The following USH2A variants were observed in gnomAD, a reference collection of about 807,000 sequenced individuals.
USH2A encodes usherin, also known as Usher syndrome 2A (autosomal recessive, mild).
In USH2A, 443 loss-of-function variants were observed where a neutral mutation model predicts 538.9. The observed-to-expected ratio is 0.82, with a 90% CI of 0.76 to 0.89. USH2A has a LOEUF of 0.89. Among genes scored for constraint, USH2A ranks in the 40% least tolerant of loss-of-function variants. USH2A has a pLI of 0.00. For synonymous variants in USH2A, 2,413 were observed against 2,273.5 expected (o/e 1.06, Z -1.75); for missense variants, 6,633 against 6,324.8 (o/e 1.05, Z -1.65).
At chr1:216,374,090 C>A (rs1183170244) in intron 3 of USH2A, among the ~76,000 whole-genome samples, 1 of 114,152 alleles carries the variant, frequency 8.8e-6, no homozygotes, top group African/African-American at 3.6e-5. Context: ...ACATCACACA[C>A]TGGGGACTTT....
chr1:216,205,956 C>T (rs1157724525), intron 16 of USH2A, among the ~76,000 whole-genome samples: 1 of 152,122 alleles, frequency 6.6e-6, no homozygotes, highest in African/African-American at 2.4e-5. Flanking sequence ...TTAAAATCTT[C>T]ATAAAAGTTA....
intron 32 of USH2A, among the ~76,000 whole-genome samples, chr1:216,006,477 C>T (rs1486853944): frequency 3.9e-5 from 6 of 152,148 alleles, no homozygotes; most frequent in Non-Finnish European, 8.8e-5. Context: ...TATGGCTATC[C>T]CAGTTCCCAC....
intron 11 of USH2A, among the ~76,000 whole-genome samples, chr1:216,266,334 T>G (rs917499979): frequency 3.3e-5 from 5 of 151,968 alleles, no homozygotes; most frequent in Non-Finnish European, 7.4e-5. Context: ...ACCAATAAAA[T>G]AAGTCACATA....
intron 11 of USH2A, among the ~76,000 whole-genome samples, chr1:216,275,576 A>G (rs2036656518): frequency 6.6e-6 from 1 of 152,108 alleles, no homozygotes; most frequent in Non-Finnish European, 1.5e-5. Context: ...TAAATTCCAA[A>G]TAGATTTTGA....
intron 14 of USH2A, among the ~76,000 whole-genome samples, chr1:216,223,135 T>C (rs191335569): frequency 2.0e-5 from 3 of 152,108 alleles, no homozygotes; most frequent in East Asian, 1.9e-4. Flanking sequence ...AACTATAAGA[T>C]AATAAAAATT....
At chr1:216,177,978 G>A (rs1024623012) in intron 20 of USH2A, among the ~76,000 whole-genome samples, 2 of 152,044 alleles carry the variant, frequency 1.3e-5, no homozygotes, top group South Asian at 2.1e-4. Flanking sequence ...ATACACAGAC[G>A]CAAAGTCATT....
In USH2A at chr1:215,934,600, A is replaced by G. The variant is rs1373610330; in HGVS notation, c.7300+16T>C. Reference sequence around the variant, plus strand: ...ATTTATATAAAATTAGATAGCCAACATTTGCATAGACTTACCTCCTGGAGG... The same window carrying G: ...ATTTATATAAAATTAGATAGCCAACGTTTGCATAGACTTACCTCCTGGAGG... On this transcript the variant is annotated intron_variant, in intron 38 of 71. Transcript: ENST00000307340. The G allele has an allele frequency of 6.2e-7, 1 of 1,610,286 alleles. No homozygotes were observed. The highest frequency in any genetic ancestry group is 1.3e-5 in the African/African-American group (1 of 74,898).
At chr1:216,325,648 T>C (rs777978350) in intron 5 of USH2A, 49 bp from the exon 6 acceptor site, 35 of 1,566,748 alleles carry the variant, frequency 2.2e-5, no homozygotes, top group Non-Finnish European at 2.8e-5. Context: ...TTAACAGTAA[T>C]AGAACTTCTA....
intron 21 of USH2A, among the ~76,000 whole-genome samples, chr1:216,117,042 T>G (rs188028647): frequency 1.1e-3 from 166 of 152,262 alleles, no homozygotes; most frequent in African/African-American, 3.7e-3. Flanking sequence ...TTACCTCTCT[T>G]ACCCCAGGCT....
intron 49 of USH2A, among the ~76,000 whole-genome samples, chr1:215,811,849 T>G (rs1662696810): frequency 6.6e-6 from 1 of 151,472 alleles, no homozygotes; most frequent in South Asian, 2.1e-4. Context: ...GAGGTTGCAG[T>G]GAGCCGGAGA....
At chr1:216,115,616 A>T (rs2102589641) in intron 21 of USH2A, among the ~76,000 whole-genome samples, 1 of 152,224 alleles carries the variant, frequency 6.6e-6, no homozygotes, top group East Asian at 1.9e-4. Flanking sequence ...TTCTATCAAC[A>T]TCCAATAGTT....
In USH2A at chr1:216,406,699, T is replaced by C. The variant is rs772992322; in HGVS notation, c.651+11815A>G. Among the ~76,000 whole-genome samples the C allele has an allele frequency of 5.3e-5, 8 of 152,282 alleles. No homozygotes were observed. In the Middle Eastern group the frequency reaches 0.01, roughly 194 times the overall value. ...TTATAATGGTCACTAGTTTTCTCAA[T>C]ATATGTTCCCATAGATTTCATCTCA... On this transcript the variant is annotated intron_variant, in intron 3 of 71. Transcript: ENST00000307340.
chr1:215,630,528 G>A (rs1193792035), intron 70 of USH2A, among the ~76,000 whole-genome samples: 83 of 124,190 alleles, frequency 6.7e-4, no homozygotes, highest in South Asian at 1.5e-3. Context: ...ATATATATAT[G>A]AGAGAGAGAA....
At chr1:216,095,902 G>C (rs769289415) in intron 22 of USH2A, among the ~76,000 whole-genome samples, 19 of 152,162 alleles carry the variant, frequency 1.2e-4, no homozygotes, top group Non-Finnish European at 2.5e-4. Flanking sequence ...GGTGAACGTT[G>C]TGTCTGCTTT....
chr1:215,766,721 G>T lies in USH2A; in HGVS notation c.11007C>A (p.Ser3669Arg). ...TACTSAGCTS[S>R]EPFLGQTLQA... ...GCAGTGTCTGACCTAGAAAAGGCTC[G>T]CTTGAAGTGCACCCAGCAGATGTAC... The change falls in exon 56 of 72, where the codon AGC becomes AGA. Residue 3669 changes from serine (S) to arginine (R), a missense_variant. Coordinates refer to ENST00000307340, the MANE Select transcript of USH2A (RefSeq NM_206933.4). 6.2e-7 allele frequency: 1 copy of T among 1,613,640 alleles called. No homozygotes were observed. Among genetic ancestry groups the T allele is most frequent in the South Asian group, 1.1e-5 (1 of 91,080 alleles).
chr1:215,992,607 T>C (rs1668027477), intron 35 of USH2A, among the ~76,000 whole-genome samples: 1 of 152,208 alleles, frequency 6.6e-6, no homozygotes, highest in Admixed American at 6.5e-5. Context: ...GATAAACTTA[T>C]TAAATCAAAA....
chr1:215,844,256 T>A, intron 46 of USH2A, 38 bp downstream of exon 46: 1 of 1,597,778 alleles, frequency 6.3e-7, no homozygotes, highest in East Asian at 2.2e-5. Flanking sequence ...TTATTTAACA[T>A]ATCCATAAGC....
chr1:216,064,498 TTG>T (rs1348511405), intron 30 of USH2A, among the ~76,000 whole-genome samples: 83 of 150,002 alleles, frequency 5.5e-4, no homozygotes, highest in Middle Eastern at 3.4e-3. Flanking sequence ...TTGCTAGGGA[TTG>T]TTTTTTTTTT....
chr1:215,936,035 AT>A (rs147387937), intron 37 of USH2A, among the ~76,000 whole-genome samples: 1 of 152,082 alleles, frequency 6.6e-6, no homozygotes, highest in Non-Finnish European at 1.5e-5. Flanking sequence ...ACAGAGTGAG[AT>A]TTTTTTATCT....
Sources: gnomAD v4.1 joint callset for allele counts (sites outside exome capture counted in the v4.1 genomes callset) on GRCh38, gnomAD v4.1.1 for gene constraint, MANE v1.5 for transcripts, NCBI Gene and HGNC (gene_info 2026-07-23, HGNC 2026-07-21) for gene names.